Variants in CCDC138 observed in about 807,000 individuals in gnomAD.
The protein encoded by CCDC138 is coiled-coil domain-containing protein 138.
CCDC138 carries 66 observed loss-of-function variants against 82.3 expected under a neutral mutation model. The ratio of observed to expected loss-of-function variants is 0.80; its 90% confidence interval spans 0.66 to 0.98. The LOEUF (loss-of-function observed/expected upper bound fraction) is 0.98, where lower values mean the gene tolerates loss of function less well. CCDC138 is among the 50% of genes least tolerant of loss of function. CCDC138 has a pLI of 0.00. For missense variants in CCDC138, 816 were observed against 758.9 expected, an observed-to-expected ratio of 1.08 and a Z score of -0.88; for synonymous variants, 297 against 265.4, an observed-to-expected ratio of 1.12 and a Z score of -1.16.
chr2:108,811,243 C>CACTT (rs1683787547), intron 7 of CCDC138, among the ~76,000 whole-genome samples: 1 of 28,724 alleles, frequency 3.5e-5, no homozygotes, highest in Non-Finnish European at 6.5e-5. Flanking sequence ...TTCTTTCTCT[C>CACTT]TCTCTTTTTT....
At chr2:108,863,373 C>A (rs1454505526) in intron 13 of CCDC138, among the ~76,000 whole-genome samples, 1 of 152,124 alleles carries the variant, frequency 6.6e-6, no homozygotes, top group African/African-American at 2.4e-5. Flanking sequence ...TTTTTAATAA[C>A]TGAAGAATAT....
Position 108,804,787 on chromosome 2 carries a change from T to G in CCDC138, c.736-102T>G, listed in dbSNP as rs1682553931. On this transcript the variant is annotated intron_variant, in intron 6 of 14. Coordinates refer to ENST00000295124, the MANE Select transcript of CCDC138 (RefSeq NM_144978.3). The stretch of plus-strand genomic sequence containing the variant: ...TTGCATACACTGATTAAAGTTTTTG[T>G]GATTGAAGGAGTTCTTACTTGTAAT... The G allele has an allele frequency of 1.4e-5, 16 of 1,127,558 alleles. No homozygotes were observed. In the East Asian group the frequency reaches 4.3e-4, roughly 30 times the overall value. The allele number at this position is 1,127,558 out of a possible 1,614,324, so 69.8% of individuals were successfully genotyped here.
At chr2:108,850,697 C>T (rs1417313560) in intron 12 of CCDC138, among the ~76,000 whole-genome samples, 8 of 152,078 alleles carry the variant, frequency 5.3e-5, no homozygotes, top group Admixed American at 2.6e-4. Flanking sequence ...ATGATCTGCC[C>T]GCCTCAACCT....
At chr2:108,795,867 A>G (rs1253448931) in intron 5 of CCDC138, among the ~76,000 whole-genome samples, 1 of 152,200 alleles carries the variant, frequency 6.6e-6, no homozygotes, top group Non-Finnish European at 1.5e-5. Flanking sequence ...TTTTAAGCAA[A>G]GGAATGTCAG....
intron 10 of CCDC138, among the ~76,000 whole-genome samples, chr2:108,819,397 C>T (rs1265267612): frequency 1.3e-5 from 2 of 152,234 alleles, no homozygotes; most frequent in Admixed American, 6.5e-5. Flanking sequence ...AAAGTCTGCC[C>T]ACAGGACTGG....
At chr2:108,846,629 A>T in intron 11 of CCDC138, 109 bp from the exon 12 acceptor site, 1 of 862,184 alleles carries the variant, frequency 1.2e-6, no homozygotes, top group Non-Finnish European at 1.8e-6. Context: ...GTGAGCCATG[A>T]TTGCGCTACT....
In CCDC138 at chr2:108,875,332, AAAAAGAAAC is replaced by A. The variant is rs777268218; in HGVS notation, c.1833-752_1833-744del. Among the ~76,000 whole-genome samples the A allele has an allele frequency of 1.2e-4, 16 of 136,196 alleles. No homozygotes were observed. In the East Asian group the frequency reaches 0.019, roughly 158 times the overall value. The allele number at this position is 136,196 out of a possible 152,430, so 89.3% of individuals were successfully genotyped here. On this transcript the variant is annotated intron_variant, in intron 14 of 14. Coordinates refer to ENST00000295124, the MANE Select transcript of CCDC138 (RefSeq NM_144978.3). ...CTTAAAGTATAATAAAAAAAAAAAA[AAAAAGAAAC>A]AAATTCTTAATGATTGAAATGAAAT... is the stretch of plus-strand genomic sequence containing the variant.
intron 10 of CCDC138, among the ~76,000 whole-genome samples, chr2:108,824,889 A>G (rs888273417): frequency 6.6e-6 from 1 of 152,178 alleles, no homozygotes; most frequent in African/African-American, 2.4e-5. Flanking sequence ...TGGGACCAGC[A>G]TTGTTATATG....
At chr2:108,869,473 G>A (rs909653871) in intron 13 of CCDC138, among the ~76,000 whole-genome samples, 3 of 152,126 alleles carry the variant, frequency 2.0e-5, no homozygotes, top group African/African-American at 7.2e-5. Context: ...GCACATACAG[G>A]GAATGCGGCA....
chr2:108,807,686 C>T (rs1204442078), intron 7 of CCDC138, among the ~76,000 whole-genome samples: 1 of 152,126 alleles, frequency 6.6e-6, no homozygotes, highest in South Asian at 2.1e-4. Context: ...GGCATGATCT[C>T]GGCTCACTGC....
At chr2:108,800,667 T>G (rs1225350505) in intron 6 of CCDC138, among the ~76,000 whole-genome samples, 1 of 119,386 alleles carries the variant, frequency 8.4e-6, no homozygotes, top group Admixed American at 9.4e-5. Context: ...AGGGTACATG[T>G]GCACATTGTG....
chr2:108,866,648 G>T (rs1694456648), intron 13 of CCDC138, among the ~76,000 whole-genome samples: 1 of 152,174 alleles, frequency 6.6e-6, no homozygotes, highest in Admixed American at 6.5e-5. Flanking sequence ...ACTTTGGGAG[G>T]CTGAGGCAGG....
At chr2:108,869,248 A>G (rs1694880419) in intron 13 of CCDC138, among the ~76,000 whole-genome samples, 1 of 152,180 alleles carries the variant, frequency 6.6e-6, no homozygotes, top group Admixed American at 6.5e-5. Context: ...CCCAATCAAG[A>G]AAAAGCCACA....
chr2:108,809,225 A>G (rs1056598692), intron 7 of CCDC138, among the ~76,000 whole-genome samples: 13 of 152,220 alleles, frequency 8.5e-5, no homozygotes, highest in Admixed American at 3.9e-4. Flanking sequence ...ACAGTTTTGT[A>G]GTATATTTTG....
rs551174984 is a variant in CCDC138, at chr2:108,805,019, T to C, written c.855+11T>C. On this transcript the variant is annotated intron_variant, in intron 7 of 14. Coordinates refer to ENST00000295124, the MANE Select transcript of CCDC138 (RefSeq NM_144978.3). ...ACCTTAAAAAAACAGGTAAGACCTG[T>C]TTTAATATATACTGAACATAAGACA... is the stretch of plus-strand genomic sequence containing the variant. 32 of 1,438,780 alleles carry C rather than the reference T, an allele frequency of 2.2e-5. No individual in the cohort carries two copies. In the African/African-American group the frequency reaches 3.8e-4, roughly 17 times the overall value. The allele number at this position is 1,438,780 out of a possible 1,614,324, so 89.1% of individuals were successfully genotyped here.
chr2:108,839,206 C>T lies in CCDC138; in HGVS notation c.1228C>T (p.Gln410Ter), dbSNP rs747287708. The T allele has an allele frequency of 1.2e-6, 2 of 1,610,354 alleles. No homozygotes were observed. The highest frequency in any genetic ancestry group is 2.7e-5 in the African/African-American group (2 of 74,766). The change falls in exon 11 of 15, where the codon CAG (glutamine) becomes TAG (stop). Residue 410 changes from glutamine to a stop codon, truncating the protein, a stop_gained. Transcript: ENST00000295124. LOFTEE classifies it high-confidence loss of function. ...TTAGCTTTTGCCTCTAATGACAGAG[C>T]AGCTACAGTGGATGCCATTTGTGAA... ...CVKLLPLMTE[Q>*]LQWMPFVNIK...
At position 108,805,979 on chromosome 2, in the gene CCDC138, G is replaced by T. The variant is rs115566939; in HGVS notation, c.855+971G>T. Reference sequence around the variant, plus strand: ...AATGAAAGCATTGGGCTGGGAATCTGTATGGATTATGTAACTTAAGCCTCA... The same window carrying T: ...AATGAAAGCATTGGGCTGGGAATCTTTATGGATTATGTAACTTAAGCCTCA... On this transcript the variant is annotated intron_variant, in intron 7 of 14. Transcript: ENST00000295124. Among the ~76,000 whole-genome samples the T allele has an allele frequency of 8.6e-4, 129 of 150,694 alleles. 1 individual carries two copies. The highest frequency in any genetic ancestry group is 3.0e-3 in the African/African-American group (123 of 41,354).
intron 11 of CCDC138, among the ~76,000 whole-genome samples, chr2:108,842,745 A>T (rs1205760063): frequency 1.3e-5 from 2 of 152,198 alleles, no homozygotes; most frequent in South Asian, 4.1e-4. Context: ...AACTGGAAAC[A>T]GTGTTAAAAG....
At chr2:108,853,594 A>G (rs1324774589) in intron 12 of CCDC138, among the ~76,000 whole-genome samples, 1 of 150,314 alleles carries the variant, frequency 6.7e-6, no homozygotes, top group African/African-American at 2.4e-5. Context: ...TGGTGCAAGC[A>G]TAACTTACCA....
Sources: allele counts gnomAD v4.1 joint callset (sites outside exome capture counted in the v4.1 genomes callset), GRCh38; gene constraint gnomAD v4.1.1; transcripts MANE v1.5; gene names NCBI Gene and HGNC (gene_info 2026-07-23, HGNC 2026-07-21).